SGCD: variants seen among roughly 807,000 people sequenced by gnomAD.
SGCD encodes the protein delta-sarcoglycan.
Under a neutral mutation model 36.6 loss-of-function variants are expected in SGCD, and 18 were observed. The observed-to-expected ratio is 0.49, with a 90% CI of 0.34 to 0.73. The LOEUF (loss-of-function observed/expected upper bound fraction) is 0.73. SGCD is among the 30% of genes least tolerant of loss of function. The probability of loss-of-function intolerance (pLI) is 0.01; values close to 1 mark genes in which losing one functional copy is unlikely to be tolerated. For synonymous variants in SGCD, 133 were observed against 130.6 expected (o/e 1.02, Z -0.12); for missense variants, 387 against 346.7 (o/e 1.12, Z -0.92).
chr5:156,413,208 C>A (rs1772861625), intron 3 of SGCD, among the ~76,000 whole-genome samples: 1 of 152,144 alleles, frequency 6.6e-6, no homozygotes, highest in Non-Finnish European at 1.5e-5. Flanking sequence ...CTAAAACCAG[C>A]AGGTACTGAG....
At chr5:155,831,747 G>A in the SGCD span, among the ~76,000 whole-genome samples, 1 of 152,194 alleles carries the variant, frequency 6.6e-6, no homozygotes, top group African/African-American at 2.4e-5. Flanking sequence ...GTAGAATCAT[G>A]ATCTCACTTA....
At chr5:156,284,393 C>T (rs1215575348) in intron 3 of SGCD, among the ~76,000 whole-genome samples, 1 of 152,110 alleles carries the variant, frequency 6.6e-6, no homozygotes, top group African/African-American at 2.4e-5. Flanking sequence ...AGACCAATAT[C>T]CCTGATGAAC....
chr5:156,332,729 T>A (rs80038991), intron 2 of SGCD, among the ~76,000 whole-genome samples: 150 of 152,242 alleles, frequency 9.9e-4, no homozygotes, highest in Non-Finnish European at 1.9e-3. Flanking sequence ...TAGAACCACC[T>A]CATCGGATTA....
chr5:155,892,278 A>T (rs1339237751), intron 1 of SGCD, among the ~76,000 whole-genome samples: 1 of 152,016 alleles, frequency 6.6e-6, no homozygotes, highest in Non-Finnish European at 1.5e-5. Flanking sequence ...CAACATGGTG[A>T]AACCCCGTCT....
chr5:156,728,642 A>G (rs1755904270), intron 7 of SGCD, among the ~76,000 whole-genome samples: 1 of 151,734 alleles, frequency 6.6e-6, no homozygotes. Context: ...AATAGTGGCT[A>G]ACATTTTTCT....
intron 3 of SGCD, among the ~76,000 whole-genome samples, chr5:156,390,113 T>A (rs112167538): frequency 6.6e-6 from 1 of 152,238 alleles, no homozygotes; most frequent in Non-Finnish European, 1.5e-5. Context: ...CATACAATTA[T>A]GTATGGTACA....
intron 1 of SGCD, among the ~76,000 whole-genome samples, chr5:155,882,253 A>T (rs943034889): frequency 1.3e-5 from 2 of 151,900 alleles, no homozygotes. Context: ...TTTTTAAAAA[A>T]CTTTTTATAG....
chr5:156,392,960 G>A (rs1561666428), intron 3 of SGCD, among the ~76,000 whole-genome samples: 1 of 152,132 alleles, frequency 6.6e-6, no homozygotes. Context: ...GGCACAGGAT[G>A]GGGGCGTGGC....
At chr5:156,398,522 T>C (rs1771979497) in intron 3 of SGCD, among the ~76,000 whole-genome samples, 1 of 152,186 alleles carries the variant, frequency 6.6e-6, no homozygotes, top group Admixed American at 6.5e-5. Flanking sequence ...TTATGCATGG[T>C]AAAGCTGGCT....
Position 155,894,725 on chromosome 5 carries a change from C to T in SGCD, c.-282+24301C>T, listed in dbSNP as rs146564028. ...TTGGGTGCTCCTTACGAGACTCTAA[C>T]GCCTGATGATTCTTCACTGCCTCTC... is the stretch of plus-strand genomic sequence containing the variant. On this transcript the variant is annotated intron_variant, in intron 1 of 9. Coordinates refer to the SGCD transcript ENST00000517913. Among the ~76,000 whole-genome samples, 420 of 152,256 alleles carry T rather than the reference C, an allele frequency of 2.8e-3. 5 individuals carry two copies. Among genetic ancestry groups the T allele is most frequent in the African/African-American group, 9.4e-3 (391 of 41,554 alleles).
intron 3 of SGCD, among the ~76,000 whole-genome samples, chr5:156,238,244 A>G (rs898499199): frequency 7.9e-5 from 12 of 152,194 alleles, no homozygotes; most frequent in African/African-American, 2.7e-4. Flanking sequence ...CACCTGACCT[A>G]AGATAAATAG....
intron 1 of SGCD, among the ~76,000 whole-genome samples, chr5:155,997,811 C>T (rs1161693145): frequency 6.6e-6 from 1 of 152,214 alleles, no homozygotes; most frequent in Non-Finnish European, 1.5e-5. Context: ...TCTACCTCTC[C>T]AAGTGGCATC....
intron 3 of SGCD, among the ~76,000 whole-genome samples, chr5:156,476,863 AC>A (rs1755203692): frequency 6.6e-6 from 1 of 152,124 alleles, no homozygotes; most frequent in Admixed American, 6.6e-5. Flanking sequence ...GGCTGATATT[AC>A]CCATCTAAGT....
In SGCD at chr5:155,973,565, A is replaced by G. The variant is rs115069758; in HGVS notation, c.-282+103141A>G. ...GAAAATGATCAGACAAGTAAGAAAAAGAAATGCTTTGGTGTTTGGCCATTT... is the reference window on the plus strand; with the variant it reads ...GAAAATGATCAGACAAGTAAGAAAAGGAAATGCTTTGGTGTTTGGCCATTT... On this transcript the variant is annotated intron_variant, in intron 1 of 9. Coordinates refer to the SGCD transcript ENST00000517913. Among the ~76,000 whole-genome samples the G allele has an allele frequency of 7.4e-3, 1,123 of 152,328 alleles. 12 individuals carry two copies. The highest frequency in any genetic ancestry group is 0.026 in the African/African-American group (1,071 of 41,576).
chr5:156,171,217 G>A (rs925779415), intron 3 of SGCD, among the ~76,000 whole-genome samples: 3 of 152,158 alleles, frequency 2.0e-5, no homozygotes, highest in Admixed American at 6.5e-5. Flanking sequence ...TTGCGTTGGC[G>A]CCATGCTAAG....
At chr5:156,577,098 A>G (rs943688607) in intron 4 of SGCD, among the ~76,000 whole-genome samples, 3 of 152,080 alleles carry the variant, frequency 2.0e-5, no homozygotes, top group Non-Finnish European at 4.4e-5. Flanking sequence ...TTTTCTATAA[A>G]GTGTAAGGAA....
At chr5:156,370,366 C>T (rs949967143) in intron 3 of SGCD, among the ~76,000 whole-genome samples, 1 of 152,130 alleles carries the variant, frequency 6.6e-6, no homozygotes, top group African/African-American at 2.4e-5. Context: ...CAGTTAAGAG[C>T]TTCACATCAC....
chr5:156,127,795 C>G (rs375016514), intron 3 of SGCD, among the ~76,000 whole-genome samples: 2 of 129,068 alleles, frequency 1.5e-5, no homozygotes, highest in East Asian at 5.1e-4. Context: ...AGCTTAATTT[C>G]TACCTTATAC....
At chr5:156,248,376 C>T (rs892669572) in intron 3 of SGCD, among the ~76,000 whole-genome samples, 11 of 152,018 alleles carry the variant, frequency 7.2e-5, no homozygotes, top group Admixed American at 3.3e-4. Context: ...AAAAATTACC[C>T]GGGCGTGGTA....
Sources: allele counts gnomAD v4.1 joint callset (sites outside exome capture counted in the v4.1 genomes callset), GRCh38; gene constraint gnomAD v4.1.1; transcripts MANE v1.5; gene names NCBI Gene and HGNC (gene_info 2026-07-23, HGNC 2026-07-21).